Variants in MAGI2 observed in about 807,000 individuals in gnomAD.
The protein encoded by MAGI2 is membrane associated guanylate kinase, WW and PDZ domain containing 2.
MAGI2 carries 35 observed loss-of-function variants against 133.3 expected under a neutral mutation model. That is an observed-to-expected ratio of 0.26 (90% CI 0.20 to 0.35). The LOEUF (loss-of-function observed/expected upper bound fraction) is 0.35. MAGI2 is among the 10% of genes least tolerant of loss of function. MAGI2 has a pLI of 1.00. For missense variants in MAGI2, 1,636 were observed against 1,863.4 expected (o/e 0.88, Z 2.25); for synonymous variants, 729 against 710.6 (o/e 1.03, Z -0.41).
intron 2 of MAGI2, among the ~76,000 whole-genome samples, chr7:78,783,382 C>A (rs189450016): frequency 2.0e-5 from 3 of 152,100 alleles, no homozygotes; most frequent in Admixed American, 6.5e-5. Context: ...GCCATGTCAG[C>A]GTTATTTTTG....
intron 21 of MAGI2, among the ~76,000 whole-genome samples, chr7:78,069,572 G>GA (rs1198906942): frequency 5.6e-5 from 8 of 142,864 alleles, no homozygotes; most frequent in South Asian, 2.3e-4. Context: ...GAGAGAGAGA[G>GA]GCTTCTGATT....
chr7:78,684,328 A>G (rs555742064), intron 2 of MAGI2, among the ~76,000 whole-genome samples: 1 of 152,282 alleles, frequency 6.6e-6, no homozygotes, highest in Admixed American at 6.5e-5. Context: ...TGCTGTGTGA[A>G]GCTAGGAATC....
chr7:78,409,052 A>C (rs1458667774), intron 6 of MAGI2, among the ~76,000 whole-genome samples: 1 of 152,034 alleles, frequency 6.6e-6, no homozygotes, highest in African/African-American at 2.4e-5. Context: ...GGGCACTACC[A>C]TACACTCTTC....
intron 21 of MAGI2, among the ~76,000 whole-genome samples, chr7:78,057,977 G>A (rs867430377): frequency 3.8e-5 from 4 of 106,600 alleles, no homozygotes; most frequent in Non-Finnish European, 6.1e-5. Flanking sequence ...ATATATATGT[G>A]TATATATATA....
chr7:78,293,255 C>T (rs535888670), intron 9 of MAGI2, among the ~76,000 whole-genome samples: 1 of 152,130 alleles, frequency 6.6e-6, no homozygotes, highest in Non-Finnish European at 1.5e-5. Context: ...TCAAACCACC[C>T]CATCGAAAAG....
intron 12 of MAGI2, among the ~76,000 whole-genome samples, chr7:78,192,032 G>C (rs751458899): frequency 1.3e-5 from 2 of 152,180 alleles, no homozygotes; most frequent in Non-Finnish European, 2.9e-5. Context: ...TCAGGCTTGT[G>C]GGTGGAGGGG....
intron 2 of MAGI2, among the ~76,000 whole-genome samples, chr7:78,717,175 G>A (rs1408717039): frequency 3.3e-5 from 5 of 152,124 alleles, no homozygotes; most frequent in Admixed American, 1.3e-4. Context: ...CTCCCCCTCC[G>A]CAGGTCTTTG....
At chr7:79,157,941 A>AGAGTGT (rs1554387769) in intron 1 of MAGI2, among the ~76,000 whole-genome samples, 2 of 134,896 alleles carry the variant, frequency 1.5e-5, no homozygotes, top group African/African-American at 6.5e-5. Flanking sequence ...TCTTTGTGTG[A>AGAGTGT]GTGTGTGTGT....
At chr7:79,096,346 G>A (rs570221150) in intron 1 of MAGI2, among the ~76,000 whole-genome samples, 1 of 152,088 alleles carries the variant, frequency 6.6e-6, no homozygotes, top group Non-Finnish European at 1.5e-5. Flanking sequence ...GCCACACTAC[G>A]ATGACCATTC....
chr7:79,278,277 C>T (rs1835384233), intron 1 of MAGI2, among the ~76,000 whole-genome samples: 1 of 152,134 alleles, frequency 6.6e-6, no homozygotes, highest in African/African-American at 2.4e-5. Context: ...GTAAAAGCTC[C>T]CTGAGGCTTC....
chr7:79,179,230 A>T (rs1239956741), intron 1 of MAGI2, among the ~76,000 whole-genome samples: 1 of 151,970 alleles, frequency 6.6e-6, no homozygotes, highest in Non-Finnish European at 1.5e-5. Flanking sequence ...CAGTTGTTAA[A>T]AATTGTGAAA....
At chr7:78,076,306 C>A (rs1279769325) in intron 21 of MAGI2, among the ~76,000 whole-genome samples, 1 of 151,514 alleles carries the variant, frequency 6.6e-6, no homozygotes, top group Non-Finnish European at 1.5e-5. Flanking sequence ...AAAATACAAA[C>A]AATTAGCTGG....
intron 1 of MAGI2, among the ~76,000 whole-genome samples, chr7:79,071,449 G>A (rs925489765): frequency 2.0e-5 from 3 of 152,146 alleles, no homozygotes; most frequent in African/African-American, 7.2e-5. Context: ...TGAGGAAGCA[G>A]CCTGTCCCTT....
At chr7:78,388,662 A>G (rs1013043466) in intron 6 of MAGI2, among the ~76,000 whole-genome samples, 41 of 152,222 alleles carry the variant, frequency 2.7e-4, no homozygotes, top group African/African-American at 9.2e-4. Context: ...GACCTGATTT[A>G]TAAAGAAGGC....
At chr7:78,639,986 C>T (rs38126) in intron 2 of MAGI2, among the ~76,000 whole-genome samples, 33,104 of 152,144 alleles carry the variant, frequency 0.22, 4,199 homozygotes, top group Non-Finnish European at 0.28. Context: ...AGGAGGCAGA[C>T]AGAATATGAT....
At chr7:78,550,848 A>C (rs1182568100) in intron 3 of MAGI2, among the ~76,000 whole-genome samples, 2 of 151,836 alleles carry the variant, frequency 1.3e-5, no homozygotes, top group African/African-American at 4.8e-5. Context: ...TTAATGGTTT[A>C]GTTTTAGGAA....
rs559823204 is a variant in MAGI2 at position 79,068,718 on chromosome 7, G to A, written c.302-61512C>T. Among the ~76,000 whole-genome samples, 5 of 152,102 alleles carry A rather than the reference G, an allele frequency of 3.3e-5. 1 individual carries two copies. The South Asian group carries it at 6.2e-4, about 19-fold the overall frequency. On this transcript the variant is annotated intron_variant, in intron 1 of 21. Transcript: ENST00000354212. ...TTAGATCTTTCCTGCTTTCTCTTGT[G>A]GGCATTTAGTGCTATAAATTTCCCT...
In MAGI2 at chr7:78,334,235, G is replaced by C. The variant is rs150550729; in HGVS notation, c.1408+9543C>G. ...GAAATCACTGGATGACCATTAACTG[G>C]AAAATCAACATGGAATGGCCAGCAC... On this transcript the variant is annotated intron_variant, in intron 9 of 21. Coordinates refer to ENST00000354212, the MANE Select transcript of MAGI2 (RefSeq NM_012301.4). Among the ~76,000 whole-genome samples the C allele has an allele frequency of 7.9e-5, 12 of 152,234 alleles. No individual in the cohort carries two copies. The East Asian group carries it at 2.3e-3, about 29-fold the overall frequency.
chr7:79,054,242 G>GT (rs1562836985), intron 1 of MAGI2, among the ~76,000 whole-genome samples: 2 of 152,144 alleles, frequency 1.3e-5, no homozygotes, highest in Non-Finnish European at 2.9e-5. Flanking sequence ...AGTACATACA[G>GT]TAAGTTAAAC....
Sources: allele counts gnomAD v4.1 joint callset (sites outside exome capture counted in the v4.1 genomes callset), GRCh38; gene constraint gnomAD v4.1.1; transcripts MANE v1.5; gene names NCBI Gene and HGNC (gene_info 2026-07-23, HGNC 2026-07-21).